DSCAML1: variants seen among roughly 807,000 people sequenced by gnomAD.
DSCAML1 encodes the protein DS cell adhesion molecule like 1.
A neutral mutation model predicts 200.5 loss-of-function variants in DSCAML1; 38 were observed. That is an observed-to-expected ratio of 0.19 (90% confidence interval 0.15 to 0.25). The LOEUF is 0.25. Ranked by LOEUF, DSCAML1 falls within the 10% of genes least tolerant of loss-of-function variation. The pLI is 1.00. For synonymous variants in DSCAML1, 1,215 were observed against 1,165.0 expected, an observed-to-expected ratio of 1.04 and a Z score of -0.87; for missense variants, 2,223 against 2,858.8, an observed-to-expected ratio of 0.78 and a Z score of 5.07.
At chr11:117,548,269 TAAC>T (rs1399532383) in intron 3 of DSCAML1, among the ~76,000 whole-genome samples, 2 of 152,226 alleles carry the variant, frequency 1.3e-5, no homozygotes, top group African/African-American at 4.8e-5. Context: ...TCTTCCCCTC[TAAC>T]AGTCAAGGAA....
At chr11:117,432,562 T>C in intron 29 of DSCAML1, 58 bp from the exon 30 acceptor site, 2 of 1,527,698 alleles carry the variant, frequency 1.3e-6, no homozygotes, top group South Asian at 2.4e-5. Context: ...AAAGCTCTTT[T>C]GGATGTGACT....
At chr11:117,555,241 G>C (rs1379967101) in intron 3 of DSCAML1, among the ~76,000 whole-genome samples, 1 of 152,206 alleles carries the variant, frequency 6.6e-6, no homozygotes, top group African/African-American at 2.4e-5. Flanking sequence ...TTTCATGCCA[G>C]CTCTCTGCTA....
chr11:117,473,023 G>T lies in DSCAML1; in HGVS notation c.2786-987C>A, dbSNP rs149315821. Among the ~76,000 whole-genome samples the T allele has an allele frequency of 5.4e-3, 827 of 152,280 alleles. 11 individuals carry two copies. Among genetic ancestry groups the T allele is most frequent in the African/African-American group, 0.018 (731 of 41,554 alleles). ...ATAGTAGGGCTGAAAAATGTTCCCA[G>T]GGCAAGTCCAGATGTCACTATTCCG... On this transcript the variant is annotated intron_variant, in intron 14 of 32. Coordinates refer to ENST00000651296, the MANE Select transcript of DSCAML1 (RefSeq NM_020693.4).
chr11:117,618,114 C>T (rs1437541637), intron 3 of DSCAML1, among the ~76,000 whole-genome samples: 2 of 152,162 alleles, frequency 1.3e-5, no homozygotes, highest in African/African-American at 4.8e-5. Flanking sequence ...ACATGAAATT[C>T]AGAGTTACTT....
chr11:117,742,260 G>A (rs1391589650), intron 3 of DSCAML1, among the ~76,000 whole-genome samples: 1 of 152,294 alleles, frequency 6.6e-6, no homozygotes, highest in South Asian at 2.1e-4. Context: ...ACCCAAGACT[G>A]TAGACGGTGC....
intron 4 of DSCAML1, among the ~76,000 whole-genome samples, chr11:117,530,101 C>T (rs2050046180): frequency 1.3e-5 from 2 of 152,140 alleles, no homozygotes; most frequent in African/African-American, 2.4e-5. Context: ...TCTGTCGGTA[C>T]CGTCCCATCT....
Position 117,437,273 on chromosome 11 carries a change from C to T in DSCAML1, c.4569G>A (p.Trp1523Ter). Reference sequence around the variant, plus strand: ...TGTTGGCCCGGAGGCCCTGCCAGGCCCAGGTCCCCTTGGGCCGGTACTCCA... The same window carrying T: ...TGTTGGCCCGGAGGCCCTGCCAGGCTCAGGTCCCCTTGGGCCGGTACTCCA... Reference protein sequence around the residue: ...IVLEYRPKGTWAWQGLRANSS... With the variant: ...IVLEYRPKGT The change falls in exon 26 of 33, where the codon TGG becomes TGA. Residue 1523 changes from tryptophan to a stop codon, truncating the protein, a stop_gained. Transcript: ENST00000651296. LOFTEE classifies it high-confidence loss of function. This position sits in a 1 kb window ranked among gnomAD's most constrained non-coding sequence, Gnocchi z 5.3. 1 of 1,614,218 alleles carries T rather than the reference C, an allele frequency of 6.2e-7. No homozygotes were observed. The highest frequency in any genetic ancestry group is 8.5e-7 in the Non-Finnish European group (1 of 1,180,046).
At chr11:117,743,648 G>A (rs962909803) in intron 3 of DSCAML1, among the ~76,000 whole-genome samples, 12 of 152,326 alleles carry the variant, frequency 7.9e-5, no homozygotes, top group Admixed American at 1.3e-4. Context: ...AGATCCTTCT[G>A]AAGACTCTCA....
chr11:117,439,800 C>T lies in DSCAML1; in HGVS notation c.3980+19G>A. On this transcript the variant is annotated intron_variant, in intron 22 of 32. Transcript: ENST00000651296. ...CCCTCTTTGGGGCCACCCCATCCCT[C>T]CACTGTCCCGACACACACCTGTCCT... The T allele has an allele frequency of 6.2e-7, 1 of 1,607,728 alleles. No homozygotes were observed. Among genetic ancestry groups the T allele is most frequent in the Non-Finnish European group, 8.5e-7 (1 of 1,174,400 alleles).
At chr11:117,630,467 A>G (rs1371827399) in intron 3 of DSCAML1, among the ~76,000 whole-genome samples, 2 of 151,880 alleles carry the variant, frequency 1.3e-5, no homozygotes, top group Non-Finnish European at 2.9e-5. Flanking sequence ...GCAGAGGGAG[A>G]CAGCCCACCC....
intron 3 of DSCAML1, among the ~76,000 whole-genome samples, chr11:117,734,880 A>G (rs1278576765): frequency 6.6e-6 from 1 of 152,094 alleles, no homozygotes; most frequent in East Asian, 1.9e-4. Context: ...ACAGCAAAAG[A>G]GTGGGCCCAG....
At chr11:117,464,281 G>C (rs1280098964) in intron 17 of DSCAML1, among the ~76,000 whole-genome samples, 1 of 152,084 alleles carries the variant, frequency 6.6e-6, no homozygotes, top group Non-Finnish European at 1.5e-5. Flanking sequence ...CCTTCTCTGG[G>C]AGCATCAGGG....
rs1268064898 is a variant in DSCAML1 at position 117,814,910 on chromosome 11, TA to T, written c.-250+2479del. On this transcript the variant is annotated intron_variant, in intron 1 of 2. Coordinates refer to the DSCAML1 transcript ENST00000525836. ...TGGTCCTCGGACATGAGACCTGAAG[TA>T]GTATTTACTGGAGAGCCGAGGACAC... 3.9e-5 allele frequency among the ~76,000 whole-genome samples: 6 copies of T among 152,304 alleles called. No individual in the cohort carries two copies. The East Asian group carries it at 1.2e-3, about 29-fold the overall frequency.
chr11:117,721,722 TATATC>T (rs2054044433), intron 3 of DSCAML1, among the ~76,000 whole-genome samples: 1 of 147,416 alleles, frequency 6.8e-6, no homozygotes, highest in African/African-American at 2.5e-5. Context: ...AAATATATCA[TATATC>T]ATATATAAAT....
intron 3 of DSCAML1, among the ~76,000 whole-genome samples, chr11:117,706,305 G>A (rs1239504712): frequency 6.6e-6 from 1 of 152,042 alleles, no homozygotes; most frequent in Admixed American, 6.6e-5. Flanking sequence ...TTGTTTGTTC[G>A]ATTGTTTCCA....
intron 26 of DSCAML1, among the ~76,000 whole-genome samples, chr11:117,436,275 A>G (rs1164687047): frequency 1.3e-5 from 2 of 152,042 alleles, no homozygotes; most frequent in Non-Finnish European, 2.9e-5. Context: ...TGGGGGCCAT[A>G]TCTGTTAACC....
chr11:117,546,061 G>A lies in DSCAML1; in HGVS notation c.512-13539C>T, dbSNP rs188298164. On this transcript the variant is annotated intron_variant, in intron 3 of 32. Coordinates refer to ENST00000651296, the MANE Select transcript of DSCAML1 (RefSeq NM_020693.4). ...CAGAGCCAGAAGCTTTGGCCTGCCC[G>A]TCAGTGCTGAAGTGGTGTCACCACC... Among the ~76,000 whole-genome samples the A allele has an allele frequency of 5.9e-5, 9 of 152,356 alleles. 1 individual carries two copies. In the East Asian group the frequency reaches 9.6e-4, roughly 16 times the overall value.
chr11:117,714,036 T>C (rs1427971870), intron 3 of DSCAML1, among the ~76,000 whole-genome samples: 2 of 152,184 alleles, frequency 1.3e-5, no homozygotes, highest in Non-Finnish European at 2.9e-5. Context: ...CTGGGCAAAT[T>C]AGTCAATCTT....
chr11:117,781,481 C>T (rs1400359489), intron 1 of DSCAML1, among the ~76,000 whole-genome samples: 4 of 152,186 alleles, frequency 2.6e-5, no homozygotes, highest in South Asian at 2.1e-4. Flanking sequence ...CAAAACCATG[C>T]TCTGAGATGA....
Sources: allele counts gnomAD v4.1 joint callset (sites outside exome capture counted in the v4.1 genomes callset), GRCh38; gene constraint gnomAD v4.1.1; non-coding constraint Gnocchi (gnomAD v3.1); transcripts MANE v1.5; gene names NCBI Gene and HGNC (gene_info 2026-07-23, HGNC 2026-07-21).